Variants in KCNH1 observed in about 807,000 individuals in gnomAD.
The protein encoded by KCNH1 is voltage-gated delayed rectifier potassium channel KCNH1.
A neutral mutation model predicts 69.2 loss-of-function variants in KCNH1; 27 were observed. That is an observed-to-expected ratio of 0.39 (90% CI 0.29 to 0.54). KCNH1 has a LOEUF of 0.54. Among genes scored for constraint, KCNH1 ranks in the 20% least tolerant of loss-of-function variants. The probability of loss-of-function intolerance (pLI) is 0.68; values close to 1 mark genes in which losing one functional copy is unlikely to be tolerated. For missense variants in KCNH1, 798 were observed against 1,261.6 expected (o/e 0.63, Z 5.57); for synonymous variants, 456 against 487.7 (o/e 0.93, Z 0.86).
chr1:210,722,138 T>C (rs1432667016), intron 10 of KCNH1, among the ~76,000 whole-genome samples: 1 of 152,014 alleles, frequency 6.6e-6, no homozygotes, highest in Non-Finnish European at 1.5e-5. Context: ...AAAAAGAAAA[T>C]CTGCTCTAAC....
At chr1:211,097,007 T>G (rs928313324) in intron 3 of KCNH1, among the ~76,000 whole-genome samples, 1 of 152,238 alleles carries the variant, frequency 6.6e-6, no homozygotes, top group African/African-American at 2.4e-5. Context: ...CTACTATTAT[T>G]CCCATTTCAA....
In KCNH1 at chr1:210,682,516, C is replaced by T. The variant is rs1352553664; in HGVS notation, c.*765G>A. 1 of 152,416 alleles carries T rather than the reference C, an allele frequency of 6.6e-6. No homozygotes were observed. Among genetic ancestry groups the T allele is most frequent in the East Asian group, 1.9e-4 (1 of 5,172 alleles). The allele number at this position is 152,416 out of a possible 1,614,324, so 9.4% of individuals were successfully genotyped here. On this transcript the variant is annotated 3_prime_UTR_variant, in exon 11 of 11. Coordinates refer to ENST00000271751, the MANE Select transcript of KCNH1 (RefSeq NM_172362.3). ...AGGGCCAGAGGCTCAGCCAGGCACT[C>T]CAGAGCCCTCCCTGTCAACTGTCCC...
chr1:210,934,144 C>T (rs1349999999), intron 6 of KCNH1, among the ~76,000 whole-genome samples: 1 of 152,124 alleles, frequency 6.6e-6, no homozygotes, highest in Non-Finnish European at 1.5e-5. Flanking sequence ...TTATGGGTAA[C>T]TCCTCAAAAG....
chr1:210,732,927 G>T (rs1212022920), intron 10 of KCNH1, among the ~76,000 whole-genome samples: 1 of 152,192 alleles, frequency 6.6e-6, no homozygotes, highest in Non-Finnish European at 1.5e-5. Flanking sequence ...CGAACATTCA[G>T]ACCACAGCAA....
intron 6 of KCNH1, among the ~76,000 whole-genome samples, chr1:210,963,976 A>T (rs1688347081): frequency 6.6e-6 from 1 of 152,186 alleles, no homozygotes; most frequent in South Asian, 2.1e-4. Context: ...GAGCAACTCC[A>T]AGACACATAA....
In KCNH1 at chr1:211,107,366, C is replaced by T. The variant is rs199830388; in HGVS notation, c.91G>A (p.Val31Met). Residue 31 changes from valine to methionine, a missense_variant, in exon 2 of 11, where the codon GTG becomes ATG. By Grantham distance (21) the Val-to-Met change is conservative (BLOSUM62 1). Around this residue, in one of 4 missense-constraint regions of KCNH1, gnomAD observed 266 missense variants for 457.2 expected, o/e 0.58. Transcript: ENST00000271751. ...IVRRSNDTNF[V>M]LGNAQIVDWP... ...TCCACTATCTGAGCATTCCCCAACACAAAATTAGTATCTGTTAAAAAAAAA... is the reference window on the plus strand; with the variant it reads ...TCCACTATCTGAGCATTCCCCAACATAAAATTAGTATCTGTTAAAAAAAAA... 4 of 1,565,564 alleles carry T rather than the reference C, an allele frequency of 2.6e-6. No individual in the cohort carries two copies. The highest frequency in any genetic ancestry group is 2.3e-5 in the East Asian group (1 of 43,724).
Position 210,999,611 on chromosome 1 carries a change from C to T in KCNH1, c.1032+19172G>A, listed in dbSNP as rs1487971526. On this transcript the variant is annotated intron_variant, in intron 6 of 10. Coordinates refer to ENST00000271751, the MANE Select transcript of KCNH1 (RefSeq NM_172362.3). ...CAAGGAGGAGCTGGTACCATTCCTT[C>T]TGAAACTATTCCAATGTAAAGAAAA... is the stretch of plus-strand genomic sequence containing the variant. 2.6e-5 allele frequency among the ~76,000 whole-genome samples: 4 copies of T among 152,330 alleles called. No homozygotes were observed. In the East Asian group the frequency reaches 5.8e-4, roughly 22 times the overall value.
At chr1:211,060,400 C>CAAAAAAAAA (rs60620622) in intron 5 of KCNH1, among the ~76,000 whole-genome samples, 9 of 44,326 alleles carry the variant, frequency 2.0e-4, no homozygotes, top group South Asian at 2.3e-3. Flanking sequence ...GACTCCGTCT[C>CAAAAAAAAA]AAAAAAAAAA....
At chr1:211,081,875 G>C (rs1690866581) in intron 5 of KCNH1, among the ~76,000 whole-genome samples, 1 of 152,156 alleles carries the variant, frequency 6.6e-6, no homozygotes, top group Admixed American at 6.5e-5. Context: ...TAAATGATGA[G>C]TTAATGGATG....
At chr1:210,769,783 G>A (rs1410608236) in intron 10 of KCNH1, among the ~76,000 whole-genome samples, 1 of 152,154 alleles carries the variant, frequency 6.6e-6, no homozygotes, top group African/African-American at 2.4e-5. Flanking sequence ...CTTATCTCAG[G>A]TTGAAAGGAA....
chr1:210,679,098 T>C lies in KCNH1; in HGVS notation c.*4183A>G, dbSNP rs1277562272. Reference sequence around the variant, plus strand: ...CATGAACACCTTTGGTGAGAAAATGTTTTTTTCTCTGATGTTTGCAGTCAG... The same window carrying C: ...CATGAACACCTTTGGTGAGAAAATGCTTTTTTCTCTGATGTTTGCAGTCAG... On this transcript the variant is annotated 3_prime_UTR_variant, in exon 11 of 11. Coordinates refer to ENST00000271751, the MANE Select transcript of KCNH1 (RefSeq NM_172362.3). 1 of 152,220 alleles carries C rather than the reference T, an allele frequency of 6.6e-6. No homozygotes were observed. The highest frequency in any genetic ancestry group is 1.9e-4 in the East Asian group (1 of 5,202). 9.4% of individuals were successfully genotyped at this position (152,220 alleles called of 1,614,324 possible).
At chr1:210,925,894 T>C (rs573300200) in intron 6 of KCNH1, among the ~76,000 whole-genome samples, 1 of 152,110 alleles carries the variant, frequency 6.6e-6, no homozygotes, top group African/African-American at 2.4e-5. Flanking sequence ...CAAGTTTCTA[T>C]CCTCCCTAAA....
intron 7 of KCNH1, among the ~76,000 whole-genome samples, chr1:210,885,995 C>A (rs1368956428): frequency 6.6e-6 from 1 of 152,210 alleles, no homozygotes. Flanking sequence ...CTCCTGCCTG[C>A]TGGCTCAGAA....
chr1:210,881,060 C>A (rs1315788204), intron 7 of KCNH1, among the ~76,000 whole-genome samples: 1 of 151,410 alleles, frequency 6.6e-6, no homozygotes, highest in African/African-American at 2.4e-5. Context: ...CTCTGTCACC[C>A]AGGCTGGAGT....
At chr1:211,068,648 C>T (rs928219961) in intron 5 of KCNH1, among the ~76,000 whole-genome samples, 1 of 152,216 alleles carries the variant, frequency 6.6e-6, no homozygotes, top group Non-Finnish European at 1.5e-5. Context: ...CCTGCCTCAG[C>T]ATCCCAAAGT....
At chr1:211,022,030 C>A (rs1334132570) in intron 5 of KCNH1, among the ~76,000 whole-genome samples, 1 of 151,974 alleles carries the variant, frequency 6.6e-6, no homozygotes, top group Non-Finnish European at 1.5e-5. Context: ...CTATCCTGAG[C>A]AAAAAGAACA....
chr1:210,683,980 C>T lies in KCNH1; in HGVS notation c.2271G>A (p.Gly757=), dbSNP rs931551446. 2 of 1,600,222 alleles carry T rather than the reference C, an allele frequency of 1.2e-6. No homozygotes were observed. Among genetic ancestry groups the T allele is most frequent in the African/African-American group, 1.3e-5 (1 of 74,722 alleles). The change falls in exon 11 of 11, where the codon GGG becomes GGA. Residue 757 remains glycine, a synonymous_variant. Coordinates refer to ENST00000271751, the MANE Select transcript of KCNH1 (RefSeq NM_172362.3). The surrounding 1 kb of genome is among the most constrained non-coding windows in gnomAD (Gnocchi z 5.7). ...QKEARLAAER[G]GRDLDDLDVE... is the part of the protein sequence containing the mutation. ...CATCTAGGTCATCCAGGTCCCGGCC[C>T]CCTCTCTCAGCTGCCAGCCTGGCCT... is the stretch of plus-strand genomic sequence containing the variant.
At chr1:211,097,607 G>A (rs1449065074) in intron 3 of KCNH1, among the ~76,000 whole-genome samples, 1 of 152,202 alleles carries the variant, frequency 6.6e-6, no homozygotes, top group African/African-American at 2.4e-5. Flanking sequence ...TGCTTTGCCT[G>A]TTAGATTTGG....
chr1:211,098,969 T>C (rs1451845196), intron 3 of KCNH1, among the ~76,000 whole-genome samples: 1 of 152,204 alleles, frequency 6.6e-6, no homozygotes, highest in Non-Finnish European at 1.5e-5. Context: ...TTCACATTCC[T>C]TGACACAGCA....
Sources: allele counts gnomAD v4.1 joint callset (sites outside exome capture counted in the v4.1 genomes callset), GRCh38; gene constraint gnomAD v4.1.1; regional missense constraint gnomAD v4.1.1; non-coding constraint Gnocchi (gnomAD v3.1); transcripts MANE v1.5; gene names NCBI Gene and HGNC (gene_info 2026-07-23, HGNC 2026-07-21).